Variants in KANK4 observed in about 807,000 individuals in gnomAD.
KANK4 encodes KN motif and ankyrin repeat domains 4, also known as KN motif and ankyrin repeat domain-containing protein 4.
A neutral mutation model predicts 80.8 loss-of-function variants in KANK4; 50 were observed. That is an observed-to-expected ratio of 0.62 (90% CI 0.49 to 0.78). KANK4 has a LOEUF of 0.78. Among genes scored for constraint, KANK4 ranks in the 30% least tolerant of loss-of-function variants. KANK4 has a pLI of 0.00. For missense variants in KANK4, 1,196 were observed against 1,240.1 expected, an observed-to-expected ratio of 0.96 and a Z score of 0.53; for synonymous variants, 465 against 506.9, an observed-to-expected ratio of 0.92 and a Z score of 1.11.
intron 9 of KANK4, among the ~76,000 whole-genome samples, chr1:62,245,832 T>C (rs1264981808): frequency 2.0e-5 from 3 of 152,214 alleles, no homozygotes; most frequent in Non-Finnish European, 1.5e-5. Context: ...ACTGTTGACT[T>C]ACCTCCAAAG....
chr1:62,279,405 A>G (rs1672403597), intron 2 of KANK4, among the ~76,000 whole-genome samples: 1 of 152,220 alleles, frequency 6.6e-6, no homozygotes. Context: ...ACCTGGTGAC[A>G]GGTATGCGGG....
intron 7 of KANK4, among the ~76,000 whole-genome samples, chr1:62,255,893 A>G (rs1207851848): frequency 6.6e-6 from 1 of 152,144 alleles, no homozygotes; most frequent in African/African-American, 2.4e-5. Context: ...CAAGCCATCC[A>G]TCCACTTTGG....
chr1:62,297,989 T>G, intron 1 of KANK4, among the ~76,000 whole-genome samples: 1 of 143,516 alleles, frequency 7.0e-6, no homozygotes, highest in South Asian at 2.2e-4. Context: ...GTTTCTCTGT[T>G]GTTCTCTAGG....
At chr1:62,288,377 A>G (rs2765258) in intron 1 of KANK4, among the ~76,000 whole-genome samples, 115,948 of 152,154 alleles carry the variant, frequency 0.76, 44,809 homozygotes, top group East Asian at 0.91. Flanking sequence ...TGAAGAATGC[A>G]CCTTTTATCT....
rs1672278326 is a variant in KANK4 at position 62,275,058 on chromosome 1, CTTCAT to C, written c.41_45del (p.Asp14GlyfsTer30). ...GGGTGGCTCTTCGGAGGGTCTTTCT[CTTCAT>C]CCCCCTGAGAGGACTGGTCTTTGGC... is the stretch of plus-strand genomic sequence containing the variant. On this transcript the variant is annotated frameshift_variant, in exon 3 of 10. Transcript: ENST00000371153. LOFTEE classifies it high-confidence loss of function. The C allele has an allele frequency of 6.2e-7, 1 of 1,612,794 alleles. No homozygotes were observed. Among genetic ancestry groups the C allele is most frequent in the African/African-American group, 1.3e-5 (1 of 74,770 alleles).
chr1:62,317,494 A>G (rs1395669131), intron 1 of KANK4, among the ~76,000 whole-genome samples: 1 of 152,216 alleles, frequency 6.6e-6, no homozygotes, highest in East Asian at 1.9e-4. Flanking sequence ...ATTACAGTTC[A>G]GAAAGGAAGG....
intron 7 of KANK4, among the ~76,000 whole-genome samples, chr1:62,259,249 T>C (rs975206563): frequency 2.0e-5 from 3 of 152,004 alleles, no homozygotes; most frequent in Non-Finnish European, 4.4e-5. Context: ...ATGGCAGAAA[T>C]GAAAAGAGGA....
At chr1:62,311,078 T>C (rs879634954) in intron 1 of KANK4, among the ~76,000 whole-genome samples, 2 of 151,946 alleles carry the variant, frequency 1.3e-5, no homozygotes, top group Non-Finnish European at 2.9e-5. Flanking sequence ...GAGAGATGGA[T>C]TGGGGAAGAT....
At chr1:62,252,892 G>A (rs1340187525) in intron 8 of KANK4, among the ~76,000 whole-genome samples, 175 bp downstream of exon 8, 3 of 152,250 alleles carry the variant, frequency 2.0e-5, no homozygotes, top group Admixed American at 6.5e-5. Flanking sequence ...GCTGGGTCTC[G>A]GGAGCCTATA....
intron 1 of KANK4, among the ~76,000 whole-genome samples, chr1:62,292,491 C>T (rs1456579489): frequency 6.6e-6 from 1 of 152,186 alleles, no homozygotes; most frequent in East Asian, 1.9e-4. Context: ...TCTCACCAGA[C>T]CCCACCTCCC....
At chr1:62,286,708 T>A (rs1431912588) in intron 1 of KANK4, among the ~76,000 whole-genome samples, 1 of 152,174 alleles carries the variant, frequency 6.6e-6, no homozygotes, top group Non-Finnish European at 1.5e-5. Context: ...AACCCTTCAG[T>A]AGTGCATCAC....
chr1:62,243,802 G>A (rs1322868962), intron 9 of KANK4, among the ~76,000 whole-genome samples: 1 of 152,134 alleles, frequency 6.6e-6, no homozygotes, highest in Non-Finnish European at 1.5e-5. Context: ...ACCCCTAGCT[G>A]AGAACCACTA....
chr1:62,281,408 A>G, intron 2 of KANK4, 141 bp downstream of exon 2: 1 of 1,002,484 alleles, frequency 1.0e-6, no homozygotes, highest in Non-Finnish European at 1.6e-6. Flanking sequence ...TCTGAAATAC[A>G]TGCTTGAGCC....
At chr1:62,249,905 C>T (rs1671571517) in intron 8 of KANK4, among the ~76,000 whole-genome samples, 1 of 151,956 alleles carries the variant, frequency 6.6e-6, no homozygotes. Flanking sequence ...CAGGCTGATC[C>T]TGAGCAGTCC....
intron 1 of KANK4, among the ~76,000 whole-genome samples, chr1:62,281,892 G>A (rs1245472271): frequency 1.3e-5 from 2 of 152,174 alleles, no homozygotes; most frequent in African/African-American, 4.8e-5. Flanking sequence ...TTGCTTGGCA[G>A]ATGAGGAAAC....
In KANK4 at chr1:62,281,534, A is replaced by G. The variant is rs1672450948; in HGVS notation, c.16+15T>C. The G allele has an allele frequency of 6.2e-7, 1 of 1,614,162 alleles. No individual in the cohort carries two copies. The highest frequency in any genetic ancestry group is 8.5e-7 in the Non-Finnish European group (1 of 1,180,016). ...TGCTTATCTTAAACCAGGCCCTACA[A>G]AGCAGCTTGCCTACCATCTGTCTTC... is the stretch of plus-strand genomic sequence containing the variant. On this transcript the variant is annotated intron_variant, in intron 2 of 9. Coordinates refer to ENST00000371153, the MANE Select transcript of KANK4 (RefSeq NM_181712.5).
rs961301446 is a variant in KANK4, at chr1:62,309,764, C to G, written c.-71+9342G>C. ...GAATTTCACTCTTCCACGGGCCACA[C>G]TGCGATGGACTAACAGGTTCTCCTT... On this transcript the variant is annotated intron_variant, in intron 1 of 9. Transcript: ENST00000371153. Among the ~76,000 whole-genome samples the G allele has an allele frequency of 2.0e-5, 3 of 152,188 alleles. No individual in the cohort carries two copies. In the East Asian group the frequency reaches 5.8e-4, roughly 29 times the overall value.
At chr1:62,244,767 A>C (rs933350781) in intron 9 of KANK4, among the ~76,000 whole-genome samples, 6 of 152,118 alleles carry the variant, frequency 3.9e-5, no homozygotes, top group Middle Eastern at 3.2e-3. Context: ...TGTTGCCAAG[A>C]CTGGTCTCAA....
chr1:62,282,219 G>C (rs376647432), intron 1 of KANK4, among the ~76,000 whole-genome samples: 1 of 152,096 alleles, frequency 6.6e-6, no homozygotes, highest in Non-Finnish European at 1.5e-5. Flanking sequence ...TGGGTGGCCC[G>C]AAGACATGGG....
Sources: gnomAD v4.1 joint callset for allele counts (sites outside exome capture counted in the v4.1 genomes callset) on GRCh38, gnomAD v4.1.1 for gene constraint, MANE v1.5 for transcripts, NCBI Gene and HGNC (gene_info 2026-07-23, HGNC 2026-07-21) for gene names.